The following PSMD11 variants were observed in gnomAD, a reference collection of about 807,000 sequenced individuals.
PSMD11 encodes proteasome 26S subunit, non-ATPase 11.
In PSMD11, 5 loss-of-function variants were observed where a neutral mutation model predicts 62.3. The ratio of observed to expected loss-of-function variants is 0.08; its 90% CI spans 0.04 to 0.17. The LOEUF (loss-of-function observed/expected upper bound fraction) is 0.17, where lower values mean the gene tolerates loss of function less well. Among genes scored for constraint, PSMD11 ranks in the 10% least tolerant of loss-of-function variants. The probability of loss-of-function intolerance (pLI) is 1.00; values close to 1 mark genes in which losing one functional copy is unlikely to be tolerated. For synonymous variants in PSMD11, 191 were observed against 191.8 expected (o/e 1.00, Z 0.03); for missense variants, 310 against 512.9 (o/e 0.60, Z 3.82).
intron 3 of PSMD11, among the ~76,000 whole-genome samples, chr17:32,459,783 A>T (rs2150832731): frequency 6.6e-6 from 1 of 152,130 alleles, no homozygotes; most frequent in South Asian, 2.1e-4. Context: ...CTCCTGCCTT[A>T]GCCTCCTGAG....
rs1176496165 is a variant in PSMD11, at chr17:32,477,518, C to T, written c.850-3C>T. The T allele has an allele frequency of 7.5e-6, 12 of 1,600,532 alleles. No individual in the cohort carries two copies. Among genetic ancestry groups the T allele is most frequent in the Non-Finnish European group, 1.0e-5 (12 of 1,174,044 alleles). On this transcript the variant is annotated splice_region_variant and splice_polypyrimidine_tract_variant and intron_variant, in intron 8 of 13. Coordinates refer to ENST00000261712, the MANE Select transcript of PSMD11 (RefSeq NM_002815.4). ...CTTTCATGGTTTGTCTCTTTATTCTCAGACAGAAGCATTAAAATGCGTGGC... is the reference window on the plus strand; with the variant it reads ...CTTTCATGGTTTGTCTCTTTATTCTTAGACAGAAGCATTAAAATGCGTGGC...
At chr17:32,475,472 A>G (rs1908290164) in intron 8 of PSMD11, among the ~76,000 whole-genome samples, 1 of 152,044 alleles carries the variant, frequency 6.6e-6, no homozygotes, top group South Asian at 2.1e-4. Context: ...AAGTAAGTGT[A>G]ATCTTTCTGG....
chr17:32,480,416 G>C, intron 12 of PSMD11, 73 bp from the exon 13 acceptor site: 1 of 1,565,126 alleles, frequency 6.4e-7, no homozygotes. Flanking sequence ...GTCAACTAGG[G>C]AGTGGGCTGC....
chr17:32,466,933 TTTTGTTTGTTTG>T (rs199657031), intron 5 of PSMD11, among the ~76,000 whole-genome samples: 3 of 152,158 alleles, frequency 2.0e-5, no homozygotes, highest in Non-Finnish European at 2.9e-5. Context: ...TGTCTTGTTT[TTTTGTTTGTTTG>T]TTTGTTTGTT....
intron 12 of PSMD11, 26 bp from the exon 13 acceptor site, chr17:32,480,463 C>T: frequency 1.9e-6 from 3 of 1,613,852 alleles, no homozygotes; most frequent in Non-Finnish European, 2.5e-6. Context: ...CATCTTTTAC[C>T]TGGGTTGCCC....
intron 1 of PSMD11, chr17:32,444,871 T>G (rs997612842): frequency 3.7e-6 from 2 of 533,426 alleles, no homozygotes; most frequent in African/African-American, 4.1e-5. Flanking sequence ...GGTGGGAGAG[T>G]GGGCCGAGCC....
At chr17:32,453,014 G>A (rs931850544) in intron 2 of PSMD11, among the ~76,000 whole-genome samples, 3 of 152,168 alleles carry the variant, frequency 2.0e-5, no homozygotes, top group African/African-American at 7.2e-5. Flanking sequence ...GTGAAAGAAG[G>A]TATAGATTTG....
At chr17:32,444,753 G>T (rs959440405) in intron 1 of PSMD11, 139 bp downstream of exon 1, 2 of 1,062,476 alleles carry the variant, frequency 1.9e-6, no homozygotes, top group Non-Finnish European at 2.7e-6. Flanking sequence ...CGGGGGCGCA[G>T]GCCGCTCGGA....
chr17:32,459,316 T>C (rs1395727147), intron 3 of PSMD11, among the ~76,000 whole-genome samples: 3 of 151,804 alleles, frequency 2.0e-5, no homozygotes, highest in African/African-American at 7.3e-5. Context: ...CTTCCTGGGC[T>C]CAGGTGATTC....
At chr17:32,465,332 C>G (rs924422726) in intron 5 of PSMD11, among the ~76,000 whole-genome samples, 8 of 152,034 alleles carry the variant, frequency 5.3e-5, no homozygotes, top group African/African-American at 1.9e-4. Context: ...ATGCTGGTCT[C>G]AAACTACTGA....
chr17:32,458,685 A>G (rs1168672977), intron 3 of PSMD11, among the ~76,000 whole-genome samples: 2 of 152,162 alleles, frequency 1.3e-5, no homozygotes, highest in African/African-American at 2.4e-5. Context: ...TTCCTTAACC[A>G]TGGCTACCTC....
intron 5 of PSMD11, among the ~76,000 whole-genome samples, chr17:32,464,922 G>T (rs573596924): frequency 6.6e-6 from 1 of 152,024 alleles, no homozygotes; most frequent in Non-Finnish European, 1.5e-5. Context: ...GTTTTTAAAG[G>T]CAAATGTTTG....
intron 1 of PSMD11, 121 bp from the exon 2 acceptor site, chr17:32,446,824 T>G: frequency 2.3e-6 from 1 of 429,800 alleles, no homozygotes; most frequent in East Asian, 4.2e-5. Context: ...TTTTTTTAAC[T>G]CTAGAATTTG....
chr17:32,477,605 T>A, intron 9 of PSMD11, 22 bp downstream of exon 9: 1 of 1,588,472 alleles, frequency 6.3e-7, no homozygotes, highest in Non-Finnish European at 8.6e-7. Context: ...ATTGGGTTGG[T>A]ATGGAATGTG....
intron 3 of PSMD11, among the ~76,000 whole-genome samples, chr17:32,462,136 CT>C (rs201214689): frequency 1.3e-5 from 2 of 151,216 alleles, no homozygotes; most frequent in East Asian, 1.9e-4. Flanking sequence ...CCCAGGCATT[CT>C]TTTTTTTTGG....
At chr17:32,444,683 G>A in intron 1 of PSMD11, 69 bp downstream of exon 1, 1 of 1,583,198 alleles carries the variant, frequency 6.3e-7, no homozygotes, top group Non-Finnish European at 8.6e-7. Context: ...GGCGGCAGCG[G>A]AGAGGGGCCC....
At chr17:32,471,441 C>T (rs1463567378) in intron 6 of PSMD11, among the ~76,000 whole-genome samples, 1 of 152,208 alleles carries the variant, frequency 6.6e-6, no homozygotes, top group African/African-American at 2.4e-5. Context: ...TAGGCAAAAG[C>T]ACATCCACAA....
At chr17:32,454,792 C>G in intron 3 of PSMD11, 173 bp downstream of exon 3, 1 of 622,286 alleles carries the variant, frequency 1.6e-6, no homozygotes, top group Non-Finnish European at 2.6e-6. Flanking sequence ...TGGGTCTGTT[C>G]CATGCTTTGC....
Position 32,474,269 on chromosome 17 carries a change from A to G in PSMD11, c.788+324A>G, listed in dbSNP as rs377392398. ...GGAAATAGCTTACAGATCAGCCAGT[A>G]ACAGCCAACTGAGCCACCCAGAATG... is the stretch of plus-strand genomic sequence containing the variant. On this transcript the variant is annotated intron_variant, in intron 7 of 13. Coordinates refer to ENST00000261712, the MANE Select transcript of PSMD11 (RefSeq NM_002815.4). 1.3e-4 allele frequency among the ~76,000 whole-genome samples: 20 copies of G among 152,362 alleles called. 1 individual carries two copies. The highest frequency in any genetic ancestry group is 4.8e-4 in the African/African-American group (20 of 41,590).
Sources: gnomAD v4.1 joint callset for allele counts (sites outside exome capture counted in the v4.1 genomes callset) on GRCh38, gnomAD v4.1.1 for gene constraint, MANE v1.5 for transcripts, NCBI Gene and HGNC (gene_info 2026-07-23, HGNC 2026-07-21) for gene names.